The following LRRK1 variants were observed in gnomAD, a reference collection of about 807,000 sequenced individuals.
LRRK1 encodes leucine-rich repeat serine/threonine-protein kinase 1.
Under a neutral mutation model 209.1 loss-of-function variants are expected in LRRK1, and 113 were observed. The observed-to-expected ratio is 0.54, with a 90% CI of 0.46 to 0.63. The LOEUF (loss-of-function observed/expected upper bound fraction) is 0.63, where lower values mean the gene tolerates loss of function less well. Among genes scored for constraint, LRRK1 ranks in the 30% least tolerant of loss-of-function variants. LRRK1 has a pLI of 0.00. For synonymous variants in LRRK1, 1,144 were observed against 1,099.7 expected (o/e 1.04, Z -0.80); for missense variants, 2,284 against 2,632.2 (o/e 0.87, Z 2.89).
rs969826564 is a variant in LRRK1 at position 101,074,163 on chromosome 15, G to C, written c.*5315G>C. The C allele has an allele frequency of 2.0e-5, 3 of 152,100 alleles. No individual in the cohort carries two copies. Among genetic ancestry groups the C allele is most frequent in the Non-Finnish European group, 4.4e-5 (3 of 68,034 alleles). The allele number at this position is 152,100 out of a possible 1,614,324, so 9.4% of individuals were successfully genotyped here. A position where few individuals can be genotyped will look rare whatever the true frequency, so the allele number is the denominator to read the frequency against. ...CAGTCCCAACCCCAAGCATCGCTGA[G>C]TCTTTCTAATCTTTTCTATAGACCC... is the stretch of plus-strand genomic sequence containing the variant. On this transcript the variant is annotated 3_prime_UTR_variant, in exon 34 of 34. Coordinates refer to ENST00000388948, the MANE Select transcript of LRRK1 (RefSeq NM_024652.6).
chr15:101,040,177 T>A (rs886111605), intron 20 of LRRK1, among the ~76,000 whole-genome samples: 1 of 152,186 alleles, frequency 6.6e-6, no homozygotes, highest in African/African-American at 2.4e-5. Context: ...ATTTATAGCC[T>A]GGAGTTTACT....
chr15:101,068,458 C>G (rs557548649), intron 33 of LRRK1, among the ~76,000 whole-genome samples: 40 of 152,296 alleles, frequency 2.6e-4, no homozygotes, highest in South Asian at 1.2e-3. Context: ...CTCATGCCCA[C>G]AGCCCGTCTT....
intron 27 of LRRK1, 125 bp from the exon 28 acceptor site, chr15:101,056,731 A>G (rs2035828439): frequency 1.5e-6 from 1 of 663,340 alleles, no homozygotes; most frequent in Non-Finnish European, 2.5e-6. Context: ...GGACATGGTC[A>G]GGTGGTTTGT....
At chr15:101,048,051 T>G (rs2035185037) in intron 21 of LRRK1, among the ~76,000 whole-genome samples, 1 of 151,904 alleles carries the variant, frequency 6.6e-6, no homozygotes, top group Non-Finnish European at 1.5e-5. Flanking sequence ...TATACGAAAT[T>G]AGAAATCCAA....
chr15:101,036,266 C>T (rs561789076), intron 20 of LRRK1, among the ~76,000 whole-genome samples: 20 of 152,276 alleles, frequency 1.3e-4, no homozygotes, highest in African/African-American at 2.9e-4. Context: ...TATCACTCAT[C>T]GAGAAAATAT....
chr15:100,931,062 C>T (rs1376355715), intron 2 of LRRK1, among the ~76,000 whole-genome samples: 2 of 152,194 alleles, frequency 1.3e-5, no homozygotes, highest in African/African-American at 2.4e-5. Flanking sequence ...TATTGGGTGA[C>T]ATTTGTCATA....
intron 29 of LRRK1, among the ~76,000 whole-genome samples, chr15:101,059,971 G>C (rs998913195): frequency 2.0e-5 from 3 of 152,196 alleles, no homozygotes; most frequent in African/African-American, 7.2e-5. Context: ...CTGCCCTGCT[G>C]GCCTAGAGAC....
intron 6 of LRRK1, among the ~76,000 whole-genome samples, chr15:101,007,213 G>C (rs1444502751): frequency 6.6e-6 from 1 of 152,158 alleles, no homozygotes; most frequent in African/African-American, 2.4e-5. Context: ...CACGTTATTG[G>C]GACCTTTCTC....
At chr15:101,028,188 C>A (rs1044837141) in intron 19 of LRRK1, among the ~76,000 whole-genome samples, 27 of 152,230 alleles carry the variant, frequency 1.8e-4, no homozygotes, top group African/African-American at 6.5e-4. Flanking sequence ...CTAGGAGAGA[C>A]GCAGCGTTGG....
chr15:101,003,192 C>A (rs2032784996), intron 6 of LRRK1, among the ~76,000 whole-genome samples: 2 of 152,236 alleles, frequency 1.3e-5, no homozygotes, highest in South Asian at 4.1e-4. Flanking sequence ...GGTTTTTCAA[C>A]CTCCATCCAG....
intron 2 of LRRK1, among the ~76,000 whole-genome samples, chr15:100,956,450 T>TTTTTTCTTTTTCTTTTC (rs1567199278): frequency 1.5e-5 from 1 of 64,658 alleles, no homozygotes; most frequent in Non-Finnish European, 2.7e-5. Flanking sequence ...TTTCCTTTTT[T>TTTTTTCTTTTTCTTTTC]TTTTCTTTTT....
At chr15:101,004,613 A>C (rs1233494859) in intron 6 of LRRK1, among the ~76,000 whole-genome samples, 1 of 152,210 alleles carries the variant, frequency 6.6e-6, no homozygotes, top group Admixed American at 6.5e-5. Flanking sequence ...TCAGTGCCAC[A>C]CAGATCAGTG....
At chr15:100,950,733 A>G (rs546699394) in intron 2 of LRRK1, among the ~76,000 whole-genome samples, 2 of 152,344 alleles carry the variant, frequency 1.3e-5, no homozygotes, top group African/African-American at 4.8e-5. Context: ...ATATTTCCAA[A>G]TTATTTATCT....
rs1417735307 is a variant in LRRK1, at chr15:101,075,337, C to A, written c.*6489C>A. The A allele has an allele frequency of 1.1e-5, 1 of 93,236 alleles. No individual in the cohort carries two copies. Among genetic ancestry groups the A allele is most frequent in the Non-Finnish European group, 2.2e-5 (1 of 46,360 alleles). The allele number at this position is 93,236 out of a possible 1,614,324, so 5.8% of individuals were successfully genotyped here. A position where few individuals can be genotyped will look rare whatever the true frequency, so the allele number is the denominator to read the frequency against. On this transcript the variant is annotated 3_prime_UTR_variant, in exon 34 of 34. Coordinates refer to ENST00000388948, the MANE Select transcript of LRRK1 (RefSeq NM_024652.6). ...TTAACTAAATTATCTGCTTCCCTGACTATTCCTGGGCTACAGCCACACCTC... is the reference window on the plus strand; with the variant it reads ...TTAACTAAATTATCTGCTTCCCTGAATATTCCTGGGCTACAGCCACACCTC...
intron 12 of LRRK1, among the ~76,000 whole-genome samples, chr15:101,017,168 A>T (rs8037401): frequency 1.3e-5 from 2 of 151,972 alleles, no homozygotes; most frequent in Admixed American, 6.5e-5. Flanking sequence ...TTTCTTCTTC[A>T]GTTTGATAGA....
chr15:101,054,477 A>T (rs2141139460), intron 26 of LRRK1, among the ~76,000 whole-genome samples: 1 of 152,352 alleles, frequency 6.6e-6, no homozygotes, highest in South Asian at 2.1e-4. Context: ...CCTTTATGGC[A>T]GTCTGGTGAA....
chr15:101,069,877 A>G lies in LRRK1; in HGVS notation c.*1029A>G, dbSNP rs2036724137. 6.6e-6 allele frequency: 1 copy of G among 152,352 alleles called. No homozygotes were observed. The highest frequency in any genetic ancestry group is 1.9e-4 in the East Asian group (1 of 5,204). The allele number at this position is 152,352 out of a possible 1,614,324, so 9.4% of individuals were successfully genotyped here. ...AACATTTTATAAACTATGCACATGCATTACACACATGCACACACATATGCA... is the reference window on the plus strand; with the variant it reads ...AACATTTTATAAACTATGCACATGCGTTACACACATGCACACACATATGCA... On this transcript the variant is annotated 3_prime_UTR_variant, in exon 34 of 34. Coordinates refer to ENST00000388948, the MANE Select transcript of LRRK1 (RefSeq NM_024652.6).
At chr15:100,932,984 C>A (rs912324556) in intron 2 of LRRK1, among the ~76,000 whole-genome samples, 6 of 152,178 alleles carry the variant, frequency 3.9e-5, no homozygotes, top group African/African-American at 1.2e-4. Context: ...AGAATCACCC[C>A]CTTCCCTGCT....
intron 12 of LRRK1, among the ~76,000 whole-genome samples, chr15:101,019,796 C>A (rs539475058): frequency 2.6e-5 from 4 of 152,222 alleles, no homozygotes; most frequent in Non-Finnish European, 5.9e-5. Context: ...GTCCTGCCCC[C>A]TCTCCAGGCC....
Sources: allele counts gnomAD v4.1 joint callset (sites outside exome capture counted in the v4.1 genomes callset), GRCh38; gene constraint gnomAD v4.1.1; transcripts MANE v1.5; gene names NCBI Gene and HGNC (gene_info 2026-07-23, HGNC 2026-07-21).